The following BASP1 variants were observed in gnomAD, a reference collection of about 807,000 sequenced individuals.
BASP1 encodes the protein brain abundant membrane attached signal protein 1, also known as brain acid soluble protein 1.
BASP1 carries 1 observed loss-of-function variant against 2.2 expected under a neutral mutation model. That is an observed-to-expected ratio of 0.46 (90% confidence interval 0.16 to 2.17). BASP1 has a LOEUF of 2.17. BASP1 is among the 30% of genes most tolerant of loss of function. BASP1 has a pLI of 0.27. For synonymous variants in BASP1, 187 were observed against 154.2 expected, an observed-to-expected ratio of 1.21 and a Z score of -1.58; for missense variants, 352 against 327.2, an observed-to-expected ratio of 1.08 and a Z score of -0.58.
chr5:17,219,697 G>C (rs1438284421), intron 1 of BASP1, among the ~76,000 whole-genome samples: 1 of 152,182 alleles, frequency 6.6e-6, no homozygotes, highest in Non-Finnish European at 1.5e-5. Flanking sequence ...ACATCTTGGC[G>C]TTTATTCGAA....
intron 1 of BASP1, among the ~76,000 whole-genome samples, chr5:17,237,381 A>G (rs2126497642): frequency 6.6e-6 from 1 of 152,296 alleles, no homozygotes; most frequent in Middle Eastern, 3.4e-3. Flanking sequence ...GAAAGGTGAT[A>G]AGGCTATCTA....
At position 17,230,181 on chromosome 5, in the gene BASP1, A is replaced by C. The variant is rs527323039; in HGVS notation, c.-10+12371A>C. Among the ~76,000 whole-genome samples, 166 of 152,308 alleles carry C rather than the reference A, an allele frequency of 1.1e-3. 1 individual carries two copies. The highest frequency in any genetic ancestry group is 5.8e-3 in the South Asian group (28 of 4,830). The stretch of plus-strand genomic sequence containing the variant: ...GAAGAGTTGACCAGATGCCTAGGCC[A>C]CTTTAAAATCCTATTCTAGCATCTG... On this transcript the variant is annotated intron_variant, in intron 1 of 1. Transcript: ENST00000322611.
intron 1 of BASP1, among the ~76,000 whole-genome samples, chr5:17,242,093 T>A (rs1052243995): frequency 1.3e-5 from 2 of 152,214 alleles, no homozygotes; most frequent in African/African-American, 2.4e-5. Flanking sequence ...GGTGAAATCA[T>A]GCTCTCCTTT....
chr5:17,237,833 A>T (rs2126498046), intron 1 of BASP1, among the ~76,000 whole-genome samples: 1 of 152,020 alleles, frequency 6.6e-6, no homozygotes, highest in Non-Finnish European at 1.5e-5. Context: ...CTTGTCTTGA[A>T]TTCCTCACCT....
intron 1 of BASP1, among the ~76,000 whole-genome samples, chr5:17,271,853 G>T (rs1029146533): frequency 2.0e-5 from 3 of 151,982 alleles, no homozygotes; most frequent in African/African-American, 7.3e-5. Context: ...GATCACCTGA[G>T]GTCAGGAGTT....
chr5:17,229,818 C>G (rs1739592576), intron 1 of BASP1, among the ~76,000 whole-genome samples: 1 of 137,862 alleles, frequency 7.3e-6, no homozygotes, highest in South Asian at 2.2e-4. Flanking sequence ...GAGTCTTGCT[C>G]TGTCACCCAG....
chr5:17,231,787 G>C (rs941118012), intron 1 of BASP1, among the ~76,000 whole-genome samples: 4 of 152,132 alleles, frequency 2.6e-5, no homozygotes, highest in African/African-American at 9.7e-5. Context: ...AAAACATCCA[G>C]GAGGCAGGGA....
chr5:17,256,066 T>A (rs17615368), intron 1 of BASP1, among the ~76,000 whole-genome samples: 9,461 of 152,234 alleles, frequency 0.062, 402 homozygotes, highest in Middle Eastern at 0.11. Flanking sequence ...TTTCACATGC[T>A]CTTCATTTGT....
Position 17,275,624 on chromosome 5 carries a change from C to G in BASP1, c.408C>G (p.Ala136=), listed in dbSNP as rs754779068. The stretch of plus-strand genomic sequence containing the variant: ...CCCCGGCCGAGAGCGCGGCCCCTGC[C>G]GCCGGGGAGGAGCCCAGCAAGGAGG... The part of the protein sequence containing the change: ...AAAPAESAAP[A]AGEEPSKEEG... Residue 136 remains alanine, a synonymous_variant, in exon 2 of 2, where the codon GCC becomes GCG. Coordinates refer to ENST00000322611, the MANE Select transcript of BASP1 (RefSeq NM_006317.5). This position sits in a 1 kb window ranked among gnomAD's most constrained non-coding sequence, Gnocchi z 5.3. The G allele has an allele frequency of 1.3e-6, 2 of 1,483,236 alleles. No homozygotes were observed. Among genetic ancestry groups the G allele is most frequent in the South Asian group, 1.3e-5 (1 of 75,792 alleles). The allele number at this position is 1,483,236 out of a possible 1,614,324, so 91.9% of individuals were successfully genotyped here. A position where few individuals can be genotyped will look rare whatever the true frequency, so the allele number is the denominator to read the frequency against.
intron 1 of BASP1, among the ~76,000 whole-genome samples, chr5:17,264,866 T>C (rs1053787726): frequency 1.3e-5 from 2 of 152,208 alleles, no homozygotes; most frequent in African/African-American, 4.8e-5. Flanking sequence ...AGAAACTTTA[T>C]AGTGGATAGG....
chr5:17,246,663 C>A (rs894639441), intron 1 of BASP1, among the ~76,000 whole-genome samples: 1 of 152,190 alleles, frequency 6.6e-6, no homozygotes, highest in Non-Finnish European at 1.5e-5. Context: ...AATGTCAACT[C>A]ACATCTCTGT....
At chr5:17,232,225 C>T (rs749012574) in intron 1 of BASP1, among the ~76,000 whole-genome samples, 2 of 152,186 alleles carry the variant, frequency 1.3e-5, no homozygotes, top group East Asian at 1.9e-4. Context: ...AAACACAACA[C>T]GATGAGTGAA....
At chr5:17,272,174 G>A (rs1740542769) in intron 1 of BASP1, among the ~76,000 whole-genome samples, 1 of 152,004 alleles carries the variant, frequency 6.6e-6, no homozygotes, top group African/African-American at 2.4e-5. Flanking sequence ...ATAGGAAGAT[G>A]AAATGTTGAG....
At chr5:17,250,556 C>T (rs1332094111) in intron 1 of BASP1, among the ~76,000 whole-genome samples, 3 of 152,088 alleles carry the variant, frequency 2.0e-5, no homozygotes, top group African/African-American at 4.8e-5. Flanking sequence ...GGGAAGGGGT[C>T]GCATGAATAT....
At position 17,275,817 on chromosome 5, in the gene BASP1, G is replaced by A. The variant is rs753594896; in HGVS notation, c.601G>A (p.Gly201Ser). Residue 201 changes from glycine (G) to serine (S), a missense_variant, in exon 2 of 2, where the codon GGC becomes AGC. Transcript: ENST00000322611. This position sits in a 1 kb window ranked among gnomAD's most constrained non-coding sequence, Gnocchi z 5.3. ...GCCTAGTTCCACACCCAAGGCCCAG[G>A]GCCCCGCAGCCTCTGCAGAAGAGCC... is the stretch of plus-strand genomic sequence containing the variant. ...EAPSSTPKAQGPAASAEEPKP... is the reference protein window; with the variant it reads ...EAPSSTPKAQSPAASAEEPKP... 6.2e-6 allele frequency: 10 copies of A among 1,612,150 alleles called. No individual in the cohort carries two copies. In the Admixed American group the frequency reaches 1.0e-4, roughly 16 times the overall value.
intron 1 of BASP1, among the ~76,000 whole-genome samples, chr5:17,219,577 G>A (rs1733107010): frequency 6.6e-6 from 1 of 152,100 alleles, no homozygotes. Context: ...TTCTTAATTT[G>A]CATCAATTAA....
chr5:17,258,543 G>A (rs761305489), intron 1 of BASP1, among the ~76,000 whole-genome samples: 3 of 152,094 alleles, frequency 2.0e-5, no homozygotes, highest in Non-Finnish European at 2.9e-5. Context: ...GATGATTCCT[G>A]TTTACATAAA....
intron 1 of BASP1, among the ~76,000 whole-genome samples, chr5:17,219,942 C>T (rs1739364527): frequency 6.6e-6 from 1 of 152,128 alleles, no homozygotes; most frequent in Non-Finnish European, 1.5e-5. Flanking sequence ...CATGATATAC[C>T]TTTGATGGCT....
chr5:17,240,932 C>G (rs939154809), intron 1 of BASP1, among the ~76,000 whole-genome samples: 1 of 152,160 alleles, frequency 6.6e-6, no homozygotes, highest in African/African-American at 2.4e-5. Flanking sequence ...GAAGGCAAAA[C>G]TAGGCAAAGA....
Sources: allele counts gnomAD v4.1 joint callset (sites outside exome capture counted in the v4.1 genomes callset), GRCh38; gene constraint gnomAD v4.1.1; non-coding constraint Gnocchi (gnomAD v3.1); transcripts MANE v1.5; gene names NCBI Gene and HGNC (gene_info 2026-07-23, HGNC 2026-07-21).